The following ZNF385D variants were observed in gnomAD, a reference collection of about 807,000 sequenced individuals.
The protein encoded by ZNF385D is zinc finger protein 385D, also known as zinc finger protein 659.
ZNF385D carries 15 observed loss-of-function variants against 35.8 expected under a neutral mutation model. That is an observed-to-expected ratio of 0.42 (90% CI 0.28 to 0.64). ZNF385D has a LOEUF of 0.64. Among genes scored for constraint, ZNF385D ranks in the 30% least tolerant of loss-of-function variants. The pLI is 0.23. For synonymous variants in ZNF385D, 212 were observed against 186.8 expected, an observed-to-expected ratio of 1.13 and a Z score of -1.10; for missense variants, 474 against 494.6, an observed-to-expected ratio of 0.96 and a Z score of 0.39.
intron 3 of ZNF385D, among the ~76,000 whole-genome samples, chr3:21,974,476 A>G (rs948587683): frequency 3.9e-5 from 6 of 152,144 alleles, no homozygotes; most frequent in Admixed American, 1.3e-4. Flanking sequence ...AACTACTAGG[A>G]AAAAATTGGA....
At chr3:21,943,744 T>C (rs1237348842) in intron 3 of ZNF385D, among the ~76,000 whole-genome samples, 1 of 152,186 alleles carries the variant, frequency 6.6e-6, no homozygotes, top group Non-Finnish European at 1.5e-5. Flanking sequence ...ATAATTTTGC[T>C]AGCAAAGAAG....
At chr3:21,816,593 A>G (rs918832694) in intron 3 of ZNF385D, among the ~76,000 whole-genome samples, 3 of 152,208 alleles carry the variant, frequency 2.0e-5, no homozygotes, top group African/African-American at 7.2e-5. Flanking sequence ...AATTGCTTCA[A>G]GGAGAATAAG....
chr3:21,674,538 G>C (rs1457260422), intron 1 of ZNF385D, among the ~76,000 whole-genome samples: 1 of 152,068 alleles, frequency 6.6e-6, no homozygotes, highest in Admixed American at 6.6e-5. Flanking sequence ...TGAAAGCATA[G>C]TAAGCAATGT....
Position 21,610,543 on chromosome 3 carries a change from G to A in ZNF385D, c.166-45859C>T, listed in dbSNP as rs548606405. On this transcript the variant is annotated intron_variant, in intron 2 of 7. Coordinates refer to ENST00000281523, the MANE Select transcript of ZNF385D (RefSeq NM_024697.3). ...CCCAGCACTCTGGGAGGCCAAGGCAGGTGGATCATGAGGTCAGGAGATCGA... is the reference window on the plus strand; with the variant it reads ...CCCAGCACTCTGGGAGGCCAAGGCAAGTGGATCATGAGGTCAGGAGATCGA... Among the ~76,000 whole-genome samples, 9 of 152,154 alleles carry A rather than the reference G, an allele frequency of 5.9e-5. 1 individual carries two copies. Among genetic ancestry groups the A allele is most frequent in the African/African-American group, 1.7e-4 (7 of 41,530 alleles).
intron 3 of ZNF385D, among the ~76,000 whole-genome samples, chr3:21,928,441 G>A (rs1034899710): frequency 9.9e-5 from 15 of 151,660 alleles, no homozygotes; most frequent in Admixed American, 4.6e-4. Flanking sequence ...GAGGGAAAGA[G>A]GGAGAGAGCG....
intron 3 of ZNF385D, among the ~76,000 whole-genome samples, chr3:21,997,082 A>T (rs56737272): frequency 0.035 from 5,298 of 152,240 alleles, 311 homozygotes; most frequent in African/African-American, 0.12. Context: ...TCAATAGCAA[A>T]GACTTGGAAC....
At chr3:22,140,373 A>G (rs546575105) in intron 3 of ZNF385D, among the ~76,000 whole-genome samples, 35 of 152,326 alleles carry the variant, frequency 2.3e-4, no homozygotes, top group African/African-American at 8.2e-4. Context: ...TTTCAAAATG[A>G]CAAAATTATA....
intron 3 of ZNF385D, among the ~76,000 whole-genome samples, chr3:21,834,933 T>C (rs1695234819): frequency 6.6e-6 from 1 of 152,152 alleles, no homozygotes; most frequent in African/African-American, 2.4e-5. Context: ...CCCAGTCATG[T>C]AGAATGGTGA....
intron 3 of ZNF385D, among the ~76,000 whole-genome samples, chr3:21,858,783 T>G (rs1247106256): frequency 6.6e-6 from 1 of 152,114 alleles, no homozygotes; most frequent in East Asian, 1.9e-4. Flanking sequence ...TAGTTCTACA[T>G]AAGTTCTCCA....
Position 21,539,877 on chromosome 3 carries a change from T to C in ZNF385D, c.276+24697A>G, listed in dbSNP as rs568169250. Among the ~76,000 whole-genome samples, 9 of 152,088 alleles carry C rather than the reference T, an allele frequency of 5.9e-5. No homozygotes were observed. Among genetic ancestry groups the C allele is most frequent in the Non-Finnish European group, 1.0e-4 (7 of 67,984 alleles). On this transcript the variant is annotated intron_variant, in intron 3 of 7. Coordinates refer to ENST00000281523, the MANE Select transcript of ZNF385D (RefSeq NM_024697.3). The surrounding 1 kb of genome is among the most constrained non-coding windows in gnomAD (Gnocchi z 4.0). ...TAAGAGTAATGCTGATTTTGAGCAATTGATTTTAAAATATTTACTTCTCTA... is the reference window on the plus strand; with the variant it reads ...TAAGAGTAATGCTGATTTTGAGCAACTGATTTTAAAATATTTACTTCTCTA...
intron 2 of ZNF385D, among the ~76,000 whole-genome samples, chr3:21,581,076 A>T (rs1211848576): frequency 6.6e-6 from 1 of 152,140 alleles, no homozygotes; most frequent in Non-Finnish European, 1.5e-5. Flanking sequence ...AATTCAAGCC[A>T]CAAGGGACAT....
intron 1 of ZNF385D, among the ~76,000 whole-genome samples, chr3:21,715,998 A>C (rs1444339248): frequency 2.0e-5 from 3 of 152,140 alleles, no homozygotes; most frequent in Non-Finnish European, 4.4e-5. Context: ...AGCTTCATCT[A>C]TCTAGTTATT....
chr3:22,108,120 C>T (rs1013965121), intron 3 of ZNF385D, among the ~76,000 whole-genome samples: 4 of 151,886 alleles, frequency 2.6e-5, no homozygotes, highest in African/African-American at 9.7e-5. Context: ...ACAAATTACA[C>T]AGTGTCAGGC....
At chr3:21,515,291 A>G (rs796177571) in intron 3 of ZNF385D, among the ~76,000 whole-genome samples, 10 of 152,284 alleles carry the variant, frequency 6.6e-5, no homozygotes, top group South Asian at 2.1e-4. Context: ...CTTTTATTCC[A>G]TTAGCACCAA....
chr3:21,695,703 C>T (rs2067446639), intron 1 of ZNF385D, among the ~76,000 whole-genome samples: 1 of 151,810 alleles, frequency 6.6e-6, no homozygotes, highest in Non-Finnish European at 1.5e-5. Context: ...ATCTTATAAT[C>T]CTCATAACAA....
chr3:22,316,571 T>G (rs1312299734), intron 2 of ZNF385D, among the ~76,000 whole-genome samples: 4 of 152,176 alleles, frequency 2.6e-5, no homozygotes, highest in Non-Finnish European at 4.4e-5. Flanking sequence ...GCATTTCCTT[T>G]GAAGTCAACT....
intron 2 of ZNF385D, among the ~76,000 whole-genome samples, chr3:22,339,753 C>T (rs1695337469): frequency 6.6e-6 from 1 of 152,172 alleles, no homozygotes; most frequent in South Asian, 2.1e-4. Flanking sequence ...TCTGCCTTCA[C>T]TATCTTGAAA....
At chr3:22,022,176 G>C (rs1191101530) in intron 3 of ZNF385D, among the ~76,000 whole-genome samples, 1 of 151,960 alleles carries the variant, frequency 6.6e-6, no homozygotes, top group Non-Finnish European at 1.5e-5. Context: ...AATCTCAGAA[G>C]GTTACTGTAA....
intron 2 of ZNF385D, among the ~76,000 whole-genome samples, chr3:21,613,969 T>G (rs1327408400): frequency 6.6e-6 from 1 of 152,266 alleles, no homozygotes; most frequent in East Asian, 1.9e-4. Flanking sequence ...TGCACAAGAT[T>G]ATAATAGGTG....
Sources: gnomAD v4.1 joint callset for allele counts (sites outside exome capture counted in the v4.1 genomes callset) on GRCh38, gnomAD v4.1.1 for gene constraint, Gnocchi (gnomAD v3.1) non-coding constraint, MANE v1.5 for transcripts, NCBI Gene and HGNC (gene_info 2026-07-23, HGNC 2026-07-21) for gene names.